Variants in RNASET2 observed in about 807,000 individuals in gnomAD.
RNASET2 encodes ribonuclease T2, also known as ribonuclease 6.
RNASET2 carries 28 observed loss-of-function variants against 33.9 expected under a neutral mutation model. That is an observed-to-expected ratio of 0.83 (90% CI 0.61 to 1.13). RNASET2 has a LOEUF of 1.13. RNASET2 is among the 50% of genes most tolerant of loss of function. The probability of loss-of-function intolerance (pLI) is 0.00; values close to 1 mark genes in which losing one functional copy is unlikely to be tolerated. For synonymous variants in RNASET2, 123 were observed against 121.0 expected (o/e 1.02, Z -0.11); for missense variants, 330 against 319.9 (o/e 1.03, Z -0.24).
chr6:166,932,603 T>A (rs1481857706), intron 7 of RNASET2: 1 of 152,272 alleles, frequency 6.6e-6, no homozygotes, highest in Non-Finnish European at 1.5e-5. Flanking sequence ...GATGAGTGGA[T>A]ACGTGGCTGG....
At position 166,925,448 on chromosome 6, in the gene RNASET2, C is replaced by A. The variant is rs1778290668; in HGVS notation, c.*4140G>T. On this transcript the variant is annotated 3_prime_UTR_variant, in exon 9 of 9. Coordinates refer to ENST00000508775, the MANE Select transcript of RNASET2 (RefSeq NM_003730.6). ...CTCACCTACACTGCACAGCCCTCAC[C>A]TCTGCCACCCAGGCCTCATCTATAC... Among the ~76,000 whole-genome samples the A allele has an allele frequency of 6.7e-6, 1 of 149,806 alleles. No individual in the cohort carries two copies. The highest frequency in any genetic ancestry group is 1.5e-5 in the Non-Finnish European group (1 of 67,430).
rs576639665 is a variant in RNASET2 at position 166,923,228 on chromosome 6, C to CTTTTTTTTTTTTTTTT, written c.*6344_*6359dup. On this transcript the variant is annotated 3_prime_UTR_variant, in exon 9 of 9. Transcript: ENST00000508775. ...ACAGGCGTGAGCCACCAGGCCCGGC[C>CTTTTTTTTTTTTTTTT]TTTTTTTTTTTTTTTTTTTTTGAGA... Among the ~76,000 whole-genome samples, 63 of 102,656 alleles carry CTTTTTTTTTTTTTTTT rather than the reference C, an allele frequency of 6.1e-4. 3 individuals carry two copies. The highest frequency in any genetic ancestry group is 2.2e-3 in the South Asian group (7 of 3,222). 67.3% of individuals were successfully genotyped at this position (102,656 alleles called of 152,430 possible).
In RNASET2 at chr6:166,956,195, C is replaced by G. The variant is rs1351866049; in HGVS notation, c.-13G>C. 6.5e-7 allele frequency: 1 copy of G among 1,546,670 alleles called. No individual in the cohort carries two copies. Among genetic ancestry groups the G allele is most frequent in the African/African-American group, 1.4e-5 (1 of 72,776 alleles). On this transcript the variant is annotated 5_prime_UTR_variant, in exon 1 of 9. Transcript: ENST00000508775. ...CTGCAGGGCGCATGGTGCCGACCTG[C>G]GGAGAGAACGCTGCCAGCTGCCGCT...
chr6:166,955,862 T>C (rs1779152328), intron 1 of RNASET2: 6 of 781,720 alleles, frequency 7.7e-6, no homozygotes, highest in Non-Finnish European at 9.3e-6. Flanking sequence ...AGGTCACTTC[T>C]GAGTGTGCTA....
In RNASET2 at chr6:166,925,640, G is replaced by A. The variant is rs1778294169; in HGVS notation, c.*3948C>T. 6.6e-6 allele frequency among the ~76,000 whole-genome samples: 1 copy of A among 152,184 alleles called. No homozygotes were observed. Among genetic ancestry groups the A allele is most frequent in the Admixed American group, 6.5e-5 (1 of 15,276 alleles). ...GTACGGCCCTCCCCTGTGCCATCCAGCTGGCATCTTCTATGTAACACAACA... is the reference window on the plus strand; with the variant it reads ...GTACGGCCCTCCCCTGTGCCATCCAACTGGCATCTTCTATGTAACACAACA... On this transcript the variant is annotated 3_prime_UTR_variant, in exon 9 of 9. Coordinates refer to ENST00000508775, the MANE Select transcript of RNASET2 (RefSeq NM_003730.6).
intron 8 of RNASET2, among the ~76,000 whole-genome samples, chr6:166,930,766 T>C (rs1327305072): frequency 1.4e-5 from 2 of 143,236 alleles, no homozygotes; most frequent in African/African-American, 5.3e-5. Context: ...ACACAGGACA[T>C]GCACACACAT....
rs1405177231 is a variant in RNASET2, at chr6:166,924,913, G to T, written c.*4675C>A. Among the ~76,000 whole-genome samples, 2 of 152,120 alleles carry T rather than the reference G, an allele frequency of 1.3e-5. No individual in the cohort carries two copies. The highest frequency in any genetic ancestry group is 1.5e-5 in the Non-Finnish European group (1 of 68,016). On this transcript the variant is annotated 3_prime_UTR_variant, in exon 9 of 9. Coordinates refer to ENST00000508775, the MANE Select transcript of RNASET2 (RefSeq NM_003730.6). ...TAGAAGAGAGGCGGCTCATAGGAAG[G>T]GTTGAAAAAAGTGTGGAATGAATCA...
chr6:166,930,709 T>C (rs1051837641), intron 8 of RNASET2, among the ~76,000 whole-genome samples: 1 of 146,738 alleles, frequency 6.8e-6, no homozygotes, highest in African/African-American at 2.6e-5. Context: ...CACACATGCA[T>C]GTACATGCAC....
chr6:166,935,198 G>A (rs1778536489), intron 6 of RNASET2: 2 of 133,646 alleles, frequency 1.5e-5, no homozygotes, highest in South Asian at 5.4e-4. Context: ...TGAATAACAG[G>A]TTTCAGACTT....
rs1271663662 is a variant in RNASET2 at position 166,955,379 on chromosome 6, ACGCACACACACACACG to A, written c.86+702_86+717del. On this transcript the variant is annotated intron_variant, in intron 1 of 8. Coordinates refer to ENST00000508775, the MANE Select transcript of RNASET2 (RefSeq NM_003730.6). ...CACACACACGCACACACAAACGCACACGCACACACACACACGCGCACACACACACGCGCACACACAC... is the reference window on the plus strand; with the variant it reads ...CACACACACGCACACACAAACGCACACGCACACACACACGCGCACACACAC... 2.3e-5 allele frequency: 6 copies of A among 255,466 alleles called. 1 individual carries two copies. The highest frequency in any genetic ancestry group is 2.8e-5 in the Non-Finnish European group (6 of 217,452). 15.8% of individuals were successfully genotyped at this position (255,466 alleles called of 1,614,324 possible).
chr6:166,949,763 C>G (rs1778938527), intron 2 of RNASET2, among the ~76,000 whole-genome samples: 1 of 152,162 alleles, frequency 6.6e-6, no homozygotes, highest in Non-Finnish European at 1.5e-5. Context: ...GAGAGCAAAG[C>G]CTGCACCACA....
chr6:166,956,024 G>T, intron 1 of RNASET2, 73 bp downstream of exon 1: 1 of 1,418,966 alleles, frequency 7.0e-7, no homozygotes, highest in Non-Finnish European at 9.7e-7. Flanking sequence ...CCCGAGAGCT[G>T]CAGCCTTCAC....
Position 166,933,975 on chromosome 6 carries a change from G to A in RNASET2, c.492+116C>T. 1.3e-6 allele frequency: 1 copy of A among 795,804 alleles called. No homozygotes were observed. Among genetic ancestry groups the A allele is most frequent in the South Asian group, 1.4e-5 (1 of 73,888 alleles). The allele number at this position is 795,804 out of a possible 1,614,324, so 49.3% of individuals were successfully genotyped here. On this transcript the variant is annotated intron_variant, in intron 7 of 8. Transcript: ENST00000508775. This position sits in a 1 kb window ranked among gnomAD's most constrained non-coding sequence, Gnocchi z 4.1. ...AATCTGTTCACATGATAACATTTAA[G>A]TAGGAAGGGGGTTTGCACTGGGGCA...
rs1222669752 is a variant in RNASET2 at position 166,927,046 on chromosome 6, G to C, written c.*2542C>G. Among the ~76,000 whole-genome samples, 1 of 152,206 alleles carries C rather than the reference G, an allele frequency of 6.6e-6. No individual in the cohort carries two copies. On this transcript the variant is annotated 3_prime_UTR_variant, in exon 9 of 9. Coordinates refer to ENST00000508775, the MANE Select transcript of RNASET2 (RefSeq NM_003730.6). Reference sequence around the variant, plus strand: ...TACGAGCCTGAGACCCCGCTCACATGGGAGGCATTTCTCAGTCACCTCCGC... The same window carrying C: ...TACGAGCCTGAGACCCCGCTCACATCGGAGGCATTTCTCAGTCACCTCCGC...
intron 1 of RNASET2, chr6:166,955,376 C>T: frequency 3.6e-6 from 1 of 276,148 alleles, no homozygotes; most frequent in Non-Finnish European, 4.2e-6. Context: ...CACACAAACG[C>T]ACACGCACAC....
At chr6:166,953,778 G>A (rs960317139) in intron 1 of RNASET2, among the ~76,000 whole-genome samples, 1 of 151,694 alleles carries the variant, frequency 6.6e-6, no homozygotes, top group East Asian at 1.9e-4. Flanking sequence ...CTTGGAAGGC[G>A]CTGAGGCAAG....
chr6:166,944,614 A>G (rs1411176786), intron 4 of RNASET2, among the ~76,000 whole-genome samples: 3 of 151,974 alleles, frequency 2.0e-5, no homozygotes, highest in Non-Finnish European at 4.4e-5. Flanking sequence ...CTACTGCTAC[A>G]CAACAAGGAA....
intron 6 of RNASET2, among the ~76,000 whole-genome samples, chr6:166,936,080 A>G (rs997612038): frequency 3.3e-5 from 5 of 152,252 alleles, no homozygotes; most frequent in African/African-American, 1.2e-4. Flanking sequence ...TTCTTAATTT[A>G]ATTTTTAGAT....
In RNASET2 at chr6:166,923,228, C is replaced by CTTTTTTTTTTTTTTTTTTTTTTTTT. The variant is rs576639665; in HGVS notation, c.*6359_*6360insAAAAAAAAAAAAAAAAAAAAAAAAA. ...ACAGGCGTGAGCCACCAGGCCCGGC[C>CTTTTTTTTTTTTTTTTTTTTTTTTT]TTTTTTTTTTTTTTTTTTTTTGAGA... On this transcript the variant is annotated 3_prime_UTR_variant, in exon 9 of 9. Transcript: ENST00000508775. 3.9e-5 allele frequency among the ~76,000 whole-genome samples: 4 copies of CTTTTTTTTTTTTTTTTTTTTTTTTT among 102,660 alleles called. No individual in the cohort carries two copies. Among genetic ancestry groups the CTTTTTTTTTTTTTTTTTTTTTTTTT allele is most frequent in the Admixed American group, 9.2e-5 (1 of 10,854 alleles). The allele number at this position is 102,660 out of a possible 152,430, so 67.3% of individuals were successfully genotyped here. A position where few individuals can be genotyped will look rare whatever the true frequency, so the allele number is the denominator to read the frequency against.
Sources: gnomAD v4.1 joint callset for allele counts (sites outside exome capture counted in the v4.1 genomes callset) on GRCh38, gnomAD v4.1.1 for gene constraint, Gnocchi (gnomAD v3.1) non-coding constraint, MANE v1.5 for transcripts, NCBI Gene and HGNC (gene_info 2026-07-23, HGNC 2026-07-21) for gene names.